Variants in PTPRD observed in about 807,000 individuals in gnomAD.
The protein encoded by PTPRD is protein tyrosine phosphatase receptor type D, also known as receptor-type tyrosine-protein phosphatase delta.
Under a neutral mutation model 214.5 loss-of-function variants are expected in PTPRD, and 34 were observed. The observed-to-expected ratio is 0.16, with a 90% CI of 0.12 to 0.21. The LOEUF (loss-of-function observed/expected upper bound fraction) is 0.21, where lower values mean the gene tolerates loss of function less well. Among genes scored for constraint, PTPRD ranks in the 10% least tolerant of loss-of-function variants. The pLI is 1.00. For missense variants in PTPRD, 2,545 were observed against 2,398.7 expected, an observed-to-expected ratio of 1.06 and a Z score of -1.27; for synonymous variants, 1,128 against 845.7, an observed-to-expected ratio of 1.33 and a Z score of -5.79.
At chr9:9,935,159 T>C (rs1359067740) in intron 5 of PTPRD, among the ~76,000 whole-genome samples, 1 of 152,002 alleles carries the variant, frequency 6.6e-6, no homozygotes, top group Non-Finnish European at 1.5e-5. Context: ...CTTTGAAAAC[T>C]GGCACAAGAC....
At position 10,208,285 on chromosome 9, in the gene PTPRD, A is replaced by C. The variant is rs375362661; in HGVS notation, c.-545+132678T>G. On this transcript the variant is annotated intron_variant, in intron 3 of 45. Coordinates refer to ENST00000381196, the MANE Select transcript of PTPRD (RefSeq NM_002839.4). ...ATCCCAGCACTTTGGGTGGCCGAGGAGGGCGGATCACGAGGTCAGGAGATC... is the reference window on the plus strand; with the variant it reads ...ATCCCAGCACTTTGGGTGGCCGAGGCGGGCGGATCACGAGGTCAGGAGATC... Among the ~76,000 whole-genome samples the C allele has an allele frequency of 9.3e-3, 1,414 of 152,264 alleles. 19 individuals carry two copies. Among genetic ancestry groups the C allele is most frequent in the African/African-American group, 0.03 (1,228 of 41,532 alleles).
chr9:9,713,895 A>G (rs2097775618), intron 7 of PTPRD, among the ~76,000 whole-genome samples: 2 of 151,944 alleles, frequency 1.3e-5, no homozygotes, highest in South Asian at 4.1e-4. Context: ...CTCCAAACTT[A>G]TGTTTCTACA....
In PTPRD at chr9:9,569,794, A is replaced by G. The variant is rs976441283; in HGVS notation, c.-237+4938T>C. Among the ~76,000 whole-genome samples, 3 of 151,528 alleles carry G rather than the reference A, an allele frequency of 2.0e-5. No homozygotes were observed. In the East Asian group the frequency reaches 5.8e-4, roughly 29 times the overall value. ...TGTAAATCATATAGAGTAAGTATTA[A>G]AAGTTAAGCCTAGGGGATTCACAGA... is the stretch of plus-strand genomic sequence containing the variant. On this transcript the variant is annotated intron_variant, in intron 8 of 45. Coordinates refer to ENST00000381196, the MANE Select transcript of PTPRD (RefSeq NM_002839.4).
chr9:9,914,869 G>A (rs1403009497), intron 5 of PTPRD, among the ~76,000 whole-genome samples: 1 of 152,082 alleles, frequency 6.6e-6, no homozygotes, highest in Admixed American at 6.5e-5. Flanking sequence ...CTGCAAAACA[G>A]ACCCACAGGC....
At chr9:8,634,707 A>T (rs2096372961) in intron 13 of PTPRD, among the ~76,000 whole-genome samples, 1 of 152,056 alleles carries the variant, frequency 6.6e-6, no homozygotes, top group African/African-American at 2.4e-5. Flanking sequence ...CCATAATTTT[A>T]AAAAAGTTAT....
At chr9:9,242,553 T>A (rs1202622751) in intron 9 of PTPRD, among the ~76,000 whole-genome samples, 1 of 152,262 alleles carries the variant, frequency 6.6e-6, no homozygotes, top group Middle Eastern at 3.4e-3. Context: ...TTTATTCTTT[T>A]TTCTCTAAAC....
chr9:9,193,131 T>C (rs1234522088), intron 9 of PTPRD, among the ~76,000 whole-genome samples: 1 of 152,158 alleles, frequency 6.6e-6, no homozygotes, highest in Non-Finnish European at 1.5e-5. Context: ...TAAATAAAAA[T>C]GAGTGACCAG....
chr9:9,989,016 CAAAAAAA>C (rs397836899), intron 4 of PTPRD, among the ~76,000 whole-genome samples: 525 of 36,224 alleles, frequency 0.014, 2 homozygotes, highest in African/African-American at 0.037. Context: ...TTTCACTGAC[CAAAAAAA>C]AAAAAAAAAA....
chr9:10,509,245 T>A (rs2047127682), intron 2 of PTPRD, among the ~76,000 whole-genome samples: 1 of 152,012 alleles, frequency 6.6e-6, no homozygotes, highest in African/African-American at 2.4e-5. Flanking sequence ...TGATTTCTAT[T>A]TTCCTCATTC....
intron 3 of PTPRD, among the ~76,000 whole-genome samples, chr9:10,124,803 AT>A (rs1445166418): frequency 6.6e-6 from 1 of 152,156 alleles, no homozygotes; most frequent in Non-Finnish European, 1.5e-5. Context: ...TTACATCATC[AT>A]TTCGCAGAAT....
At chr9:9,104,950 C>T (rs539577663) in intron 10 of PTPRD, among the ~76,000 whole-genome samples, 15 of 152,216 alleles carry the variant, frequency 9.9e-5, no homozygotes, top group African/African-American at 3.1e-4. Flanking sequence ...CAAAAGAGAA[C>T]GGATGCTGTG....
intron 2 of PTPRD, among the ~76,000 whole-genome samples, chr9:10,566,216 A>T (rs2065560546): frequency 6.6e-6 from 1 of 152,038 alleles, no homozygotes; most frequent in Non-Finnish European, 1.5e-5. Flanking sequence ...AAGATGATGA[A>T]CAATGCTTCT....
chr9:8,410,251 T>G (rs1215331833), intron 35 of PTPRD, among the ~76,000 whole-genome samples: 4 of 152,210 alleles, frequency 2.6e-5, no homozygotes, highest in Non-Finnish European at 5.9e-5. Context: ...ATGAGTTCAG[T>G]TGAATCCTAT....
chr9:9,037,579 G>T (rs748176849), intron 10 of PTPRD, among the ~76,000 whole-genome samples: 8 of 152,110 alleles, frequency 5.3e-5, no homozygotes, highest in Non-Finnish European at 1.0e-4. Context: ...TGAACTCTGA[G>T]GATTCTTTAC....
chr9:9,319,249 G>A (rs1965136718), intron 9 of PTPRD, among the ~76,000 whole-genome samples: 1 of 152,050 alleles, frequency 6.6e-6, no homozygotes, highest in Non-Finnish European at 1.5e-5. Flanking sequence ...CTTTTGCTTT[G>A]CTTGTATTAC....
chr9:8,524,946 G>A lies in PTPRD; in HGVS notation c.658C>T (p.Pro220Ser), dbSNP rs567730036. 323 of 1,613,598 alleles carry A rather than the reference G, an allele frequency of 2.0e-4. 6 individuals are homozygous for A. The South Asian group carries it at 3.1e-3, about 16-fold the overall frequency. Residue 220 changes from proline (P) to serine (S), a missense_variant, in exon 18 of 46, where the codon CCT becomes TCT. Pro to Ser is a moderately conservative substitution (Grantham distance 74, BLOSUM62 -1). Transcript: ENST00000381196. ...CTACCTCTGACATATAAATTGGCAG[G>A]AGCGGAATAGCGAGTGCCCGCGCTG... ...TNSAGTRYSA[P>S]ANLYVRELRE...
intron 9 of PTPRD, among the ~76,000 whole-genome samples, chr9:9,195,478 G>A (rs1481744369): frequency 6.6e-6 from 1 of 152,068 alleles, no homozygotes; most frequent in East Asian, 1.9e-4. Flanking sequence ...GACATTTGTT[G>A]GGGATTAAGT....
At chr9:8,762,668 T>G (rs944238415) in intron 11 of PTPRD, among the ~76,000 whole-genome samples, 1 of 152,130 alleles carries the variant, frequency 6.6e-6, no homozygotes, top group African/African-American at 2.4e-5. Flanking sequence ...GGAAAAGAAA[T>G]ATTTATGGGT....
intron 11 of PTPRD, among the ~76,000 whole-genome samples, chr9:8,778,606 T>C (rs10977298): frequency 0.11 from 16,987 of 152,196 alleles, 1,026 homozygotes; most frequent in Middle Eastern, 0.13. Flanking sequence ...TTCTGCTTTG[T>C]TGAGGAAAGC....
Sources: gnomAD v4.1 joint callset for allele counts (sites outside exome capture counted in the v4.1 genomes callset) on GRCh38, gnomAD v4.1.1 for gene constraint, MANE v1.5 for transcripts, NCBI Gene and HGNC (gene_info 2026-07-23, HGNC 2026-07-21) for gene names.